Variants in ZGRF1 observed in about 807,000 individuals in gnomAD.
ZGRF1 encodes zinc finger GRF-type containing 1.
A neutral mutation model predicts 203.5 loss-of-function variants in ZGRF1; 196 were observed. That is an observed-to-expected ratio of 0.96 (90% CI 0.86 to 1.08). The LOEUF (loss-of-function observed/expected upper bound fraction) is 1.08, where lower values mean the gene tolerates loss of function less well. Among genes scored for constraint, ZGRF1 ranks in the 50% least tolerant of loss-of-function variants. ZGRF1 has a pLI of 0.00. For synonymous variants in ZGRF1, 809 were observed against 841.3 expected, an observed-to-expected ratio of 0.96 and a Z score of 0.66; for missense variants, 2,326 against 2,416.3, an observed-to-expected ratio of 0.96 and a Z score of 0.78.
At chr4:112,540,397 T>TA (rs71597603) in intron 26 of ZGRF1, among the ~76,000 whole-genome samples, 59,375 of 151,878 alleles carry the variant, frequency 0.39, 11,839 homozygotes, top group South Asian at 0.49. Context: ...ATGAAACAGA[T>TA]AAAAAATACT....
chr4:112,544,500 T>G (rs1560731769), intron 24 of ZGRF1, among the ~76,000 whole-genome samples: 1 of 152,112 alleles, frequency 6.6e-6, no homozygotes, highest in Non-Finnish European at 1.5e-5. Flanking sequence ...ACTTGACAGT[T>G]TTTAGTAGAA....
intron 2 of ZGRF1, among the ~76,000 whole-genome samples, chr4:112,632,601 A>G (rs1352682169): frequency 2.6e-5 from 4 of 152,230 alleles, no homozygotes; most frequent in Non-Finnish European, 5.9e-5. Context: ...AGAAACAAAT[A>G]TGAGAATCCA....
chr4:112,581,510 A>G (rs1258634804), intron 16 of ZGRF1, among the ~76,000 whole-genome samples, 153 bp downstream of exon 16: 1 of 151,336 alleles, frequency 6.6e-6, no homozygotes, highest in East Asian at 1.9e-4. Flanking sequence ...AAGTGGTCTA[A>G]TTTATTATAC....
chr4:112,592,243 G>T (rs1748301270), intron 10 of ZGRF1, among the ~76,000 whole-genome samples: 1 of 151,818 alleles, frequency 6.6e-6, no homozygotes, highest in Admixed American at 6.6e-5. Flanking sequence ...GACTACAGGC[G>T]TGTGCCACCA....
chr4:112,617,584 A>C lies in ZGRF1; in HGVS notation c.2458T>G (p.Ser820Ala). ...YWNPRNSSEL[S>A]GLVNTISILK... ...ATAGAAATGGTATTTACTAATCCAGAAAGTTCTGAAGAATTTCTAGGATTC... is the reference window on the plus strand; with the variant it reads ...ATAGAAATGGTATTTACTAATCCAGCAAGTTCTGAAGAATTTCTAGGATTC... The change falls in exon 6 of 28, where the codon TCT (serine) becomes GCT (alanine). Residue 820 changes from serine (S) to alanine (A), a missense_variant. Ser to Ala is a moderately conservative substitution (Grantham distance 99, BLOSUM62 1). Transcript: ENST00000505019. 1 of 1,613,950 alleles carries C rather than the reference A, an allele frequency of 6.2e-7. No individual in the cohort carries two copies. Among genetic ancestry groups the C allele is most frequent in the Non-Finnish European group, 8.5e-7 (1 of 1,179,934 alleles).
intron 11 of ZGRF1, among the ~76,000 whole-genome samples, chr4:112,588,564 T>C (rs534529843): frequency 9.8e-5 from 15 of 152,342 alleles, no homozygotes; most frequent in African/African-American, 3.6e-4. Context: ...AAGAGTTTAA[T>C]GATTCCTTCT....
chr4:112,632,547 T>C (rs559313642), intron 2 of ZGRF1, among the ~76,000 whole-genome samples: 34 of 152,346 alleles, frequency 2.2e-4, no homozygotes, highest in African/African-American at 6.7e-4. Flanking sequence ...CCCAGGATTA[T>C]GTATATGCAA....
At chr4:112,612,327 C>T (rs765505837) in intron 7 of ZGRF1, among the ~76,000 whole-genome samples, 197 bp downstream of exon 7, 2 of 152,086 alleles carry the variant, frequency 1.3e-5, no homozygotes, top group Admixed American at 1.3e-4. Context: ...ACTTGAGTTG[C>T]TTAATACTAT....
chr4:112,583,965 C>T lies in ZGRF1; in HGVS notation c.4298+13G>A, dbSNP rs761119891. On this transcript the variant is annotated intron_variant, in intron 15 of 27. Transcript: ENST00000505019. ...TATAATCACAGGCAATTATTTGGTACTATAAAACATACCTCACCAAAAGCT... is the reference window on the plus strand; with the variant it reads ...TATAATCACAGGCAATTATTTGGTATTATAAAACATACCTCACCAAAAGCT... The T allele has an allele frequency of 2.6e-6, 4 of 1,557,984 alleles. No homozygotes were observed. The highest frequency in any genetic ancestry group is 1.4e-5 in the African/African-American group (1 of 73,082).
intron 4 of ZGRF1, among the ~76,000 whole-genome samples, chr4:112,621,476 C>T (rs1006397296): frequency 6.6e-6 from 1 of 151,654 alleles, no homozygotes; most frequent in Non-Finnish European, 1.5e-5. Flanking sequence ...ATGGTGAAAC[C>T]CCGTCTCTAC....
Position 112,554,786 on chromosome 4 carries a change from T to C in ZGRF1, c.5121-4A>G. The stretch of plus-strand genomic sequence containing the variant: ...TTCAAATCCAAGACTGAGAAGCCTT[T>C]AAATAAGAAAACAATATAGATTCTG... On this transcript the variant is annotated splice_polypyrimidine_tract_variant and splice_region_variant and intron_variant, in intron 20 of 27. Transcript: ENST00000505019. 1 of 1,486,426 alleles carries C rather than the reference T, an allele frequency of 6.7e-7. No individual in the cohort carries two copies. Among genetic ancestry groups the C allele is most frequent in the Non-Finnish European group, 9.2e-7 (1 of 1,089,892 alleles). 92.1% of individuals were successfully genotyped at this position (1,486,426 alleles called of 1,614,324 possible).
Position 112,618,338 on chromosome 4 carries a change from G to T in ZGRF1, c.1704C>A (p.Gly568=). ...CAGACCTCTTTTGAAAACATGAATT[G>T]CCATCATTAACCAAAATGTCCTTTA... The part of the protein sequence containing the change: ...SWVKDILVND[G]NSCFQKRSEN... The change falls in exon 6 of 28, where the codon GGC becomes GGA. Residue 568 remains glycine (G), a synonymous_variant. Transcript: ENST00000505019. 1 of 1,613,694 alleles carries T rather than the reference G, an allele frequency of 6.2e-7. No homozygotes were observed. The highest frequency in any genetic ancestry group is 8.5e-7 in the Non-Finnish European group (1 of 1,179,874).
rs570420540 is a variant in ZGRF1, at chr4:112,574,245, A to G, written c.4438+7418T>C. Among the ~76,000 whole-genome samples, 169 of 152,356 alleles carry G rather than the reference A, an allele frequency of 1.1e-3. 1 individual carries two copies. Among genetic ancestry groups the G allele is most frequent in the Admixed American group, 5.2e-4 (8 of 15,304 alleles). ...AACAACAATGAAAACAATAAACTAT[A>G]GCATGTTTACAAAATATTATACAAC... On this transcript the variant is annotated intron_variant, in intron 16 of 27. Coordinates refer to ENST00000505019, the MANE Select transcript of ZGRF1 (RefSeq NM_018392.5).
intron 16 of ZGRF1, among the ~76,000 whole-genome samples, chr4:112,577,172 C>A (rs1045048152): frequency 8.2e-6 from 1 of 121,792 alleles, no homozygotes; most frequent in Non-Finnish European, 1.8e-5. Context: ...CATATCCAGT[C>A]AAACTAAGCT....
rs541398763 is a variant in ZGRF1 at position 112,585,193 on chromosome 4, C to T, written c.4101+348G>A. Among the ~76,000 whole-genome samples, 151 of 152,198 alleles carry T rather than the reference C, an allele frequency of 9.9e-4. 1 individual carries two copies. Among genetic ancestry groups the T allele is most frequent in the African/African-American group, 3.3e-3 (135 of 41,522 alleles). ...GCCAAGGCGGGAGGATGGCTTGAGCCCGGAAGTTCAAGGCTGCAGTGAGCT... is the reference window on the plus strand; with the variant it reads ...GCCAAGGCGGGAGGATGGCTTGAGCTCGGAAGTTCAAGGCTGCAGTGAGCT... On this transcript the variant is annotated intron_variant, in intron 14 of 27. Coordinates refer to ENST00000505019, the MANE Select transcript of ZGRF1 (RefSeq NM_018392.5).
rs142989443 is a variant in ZGRF1 at position 112,570,299 on chromosome 4, C to A, written c.4439-7025G>T. Among the ~76,000 whole-genome samples the A allele has an allele frequency of 5.3e-3, 803 of 152,198 alleles. 13 individuals are homozygous for A. The highest frequency in any genetic ancestry group is 0.017 in the African/African-American group (714 of 41,526). On this transcript the variant is annotated intron_variant, in intron 16 of 27. Transcript: ENST00000505019. ...TTGGCTACAATCAAGTGTACAAAAA[C>A]CTTAGTAGGCTAGTCGTGGTGGCTC...
chr4:112,627,177 T>C (rs1351068868), intron 3 of ZGRF1, among the ~76,000 whole-genome samples: 1 of 152,210 alleles, frequency 6.6e-6, no homozygotes, highest in Non-Finnish European at 1.5e-5. Flanking sequence ...TTTTTCTTTT[T>C]GAAATACTTC....
chr4:112,586,444 C>G lies in ZGRF1; in HGVS notation c.3916+1G>C, dbSNP rs961730910. The stretch of plus-strand genomic sequence containing the variant: ...ATACAATAAAAACACAACAGCCATA[C>G]CTATGAGGCAAGATGTGAAAGTCTG... On this transcript the variant is annotated splice_donor_variant, in intron 13 of 27. Coordinates refer to ENST00000505019, the MANE Select transcript of ZGRF1 (RefSeq NM_018392.5). LOFTEE classifies it high-confidence loss of function. 6.2e-7 allele frequency: 1 copy of G among 1,604,424 alleles called. No individual in the cohort carries two copies. Among genetic ancestry groups the G allele is most frequent in the Admixed American group, 1.7e-5 (1 of 58,822 alleles).
chr4:112,618,467 TTG>T lies in ZGRF1; in HGVS notation c.1573_1574del (p.Gln525ThrfsTer8). On this transcript the variant is annotated frameshift_variant, in exon 6 of 28. Coordinates refer to ENST00000505019, the MANE Select transcript of ZGRF1 (RefSeq NM_018392.5). LOFTEE classifies it high-confidence loss of function. ...GATTAAAAGTTACCTCCAAAAATGGTTGTGTTACATTACTCAGAGATTCATGA... is the reference window on the plus strand; with the variant it reads ...GATTAAAAGTTACCTCCAAAAATGGTTGTTACATTACTCAGAGATTCATGA... The part of the protein sequence containing the change: ...SIHESLSNVT[Q>X]PFLEVTFNLN... 3 of 1,613,696 alleles carry T rather than the reference TTG, an allele frequency of 1.9e-6. No individual in the cohort carries two copies. The highest frequency in any genetic ancestry group is 2.2e-5 in the South Asian group (2 of 91,068).
Sources: allele counts gnomAD v4.1 joint callset (sites outside exome capture counted in the v4.1 genomes callset), GRCh38; gene constraint gnomAD v4.1.1; transcripts MANE v1.5; gene names NCBI Gene and HGNC (gene_info 2026-07-23, HGNC 2026-07-21).